Variants in RABEP1 observed in about 807,000 individuals in gnomAD.
The protein encoded by RABEP1 is rabaptin, RAB GTPase binding effector protein 1.
Under a neutral mutation model 123.4 loss-of-function variants are expected in RABEP1, and 51 were observed. The observed-to-expected ratio is 0.41, with a 90% CI of 0.33 to 0.52. The LOEUF is 0.52. RABEP1 is among the 20% of genes least tolerant of loss of function. RABEP1 has a pLI of 0.16. For missense variants in RABEP1, 888 were observed against 996.3 expected (o/e 0.89, Z 1.46); for synonymous variants, 347 against 355.2 (o/e 0.98, Z 0.26).
At chr17:5,311,697 CAAAAAAAAA>C (rs35876639) in intron 2 of RABEP1, among the ~76,000 whole-genome samples, 39 of 70,882 alleles carry the variant, frequency 5.5e-4, no homozygotes, top group African/African-American at 2.2e-3. Flanking sequence ...GACTTCATCT[CAAAAAAAAA>C]AAAAAAAAAA....
rs1172476261 is a variant in RABEP1 at position 5,365,132 on chromosome 17, T to C, written c.1679T>C (p.Leu560Pro). 1 of 1,599,858 alleles carries C rather than the reference T, an allele frequency of 6.3e-7. No homozygotes were observed. The highest frequency in any genetic ancestry group is 1.4e-5 in the African/African-American group (1 of 73,946). Residue 560 changes from leucine to proline, a missense_variant, in exon 11 of 18, where the codon CTA becomes CCA. Leu to Pro is a moderately conservative substitution (Grantham distance 98, BLOSUM62 -3). Transcript: ENST00000537505. ...TTTAAAATGATACAGGTGAAAAAAC[T>C]ACAGCTGATGCTAAGGCAAGCTAAT... ...EAETRDQVKK[L>P]QLMLRQANDQ...
chr17:5,352,765 A>G (rs1908670774), intron 7 of RABEP1, among the ~76,000 whole-genome samples: 2 of 152,030 alleles, frequency 1.3e-5, no homozygotes, highest in Non-Finnish European at 2.9e-5. Context: ...CAGGAGGCGG[A>G]GGTTGCAGTG....
At chr17:5,299,696 ATTTCTTTTTCTTTTTTTCT>A (rs1279487417) in intron 1 of RABEP1, among the ~76,000 whole-genome samples, 3 of 105,304 alleles carry the variant, frequency 2.8e-5, no homozygotes, top group Non-Finnish European at 4.0e-5. Flanking sequence ...CTCTGCACTC[ATTTCTTTTTCTTTTTTTCT>A]TTTCTTTTTC....
intron 11 of RABEP1, among the ~76,000 whole-genome samples, chr17:5,366,841 G>A (rs1319904369): frequency 3.3e-5 from 5 of 151,820 alleles, no homozygotes; most frequent in Non-Finnish European, 5.9e-5. Flanking sequence ...TGTAATCCCA[G>A]CACTTTGGGA....
At position 5,369,186 on chromosome 17, in the gene RABEP1, C is replaced by T. The variant is rs1597391740; in HGVS notation, c.1884+718C>T. Among the ~76,000 whole-genome samples the T allele has an allele frequency of 5.3e-5, 8 of 152,194 alleles. 1 individual carries two copies. In the South Asian group the frequency reaches 1.7e-3, roughly 32 times the overall value. ...ATGTAACTGTTGTGGTGCTGGGGAC[C>T]TTCCAGAAGGCCATCTATGCTGAGA... On this transcript the variant is annotated intron_variant, in intron 12 of 17. Transcript: ENST00000537505.
At chr17:5,284,305 A>G (rs1371278626) in intron 1 of RABEP1, among the ~76,000 whole-genome samples, 1 of 152,184 alleles carries the variant, frequency 6.6e-6, no homozygotes, top group Non-Finnish European at 1.5e-5. Flanking sequence ...CCTATTTCTC[A>G]AATCTTGTGA....
At chr17:5,361,154 C>A in intron 8 of RABEP1, 54 bp from the exon 9 acceptor site, 2 of 1,483,208 alleles carry the variant, frequency 1.3e-6, no homozygotes, top group South Asian at 2.5e-5. Context: ...TAGTTTTTGT[C>A]TTTAAAAACG....
In RABEP1 at chr17:5,350,537, C is replaced by A; in HGVS notation, c.871C>A (p.Gln291Lys). The change falls in exon 7 of 18, where the codon CAG becomes AAG. Residue 291 changes from glutamine (Q) to lysine (K), a missense_variant. Transcript: ENST00000537505. Reference protein sequence around the residue: ...QKANDQFLESQRLLMRDMQRM... With the variant: ...QKANDQFLESKRLLMRDMQRM... ...GGCCAATGACCAGTTTCTGGAATCT[C>A]AGCGTTTACTGATGAGAGACATGCA... is the stretch of plus-strand genomic sequence containing the variant. 1 of 1,614,116 alleles carries A rather than the reference C, an allele frequency of 6.2e-7. No homozygotes were observed. Among genetic ancestry groups the A allele is most frequent in the Admixed American group, 1.7e-5 (1 of 60,016 alleles).
chr17:5,364,615 C>T (rs1011273384), intron 10 of RABEP1, among the ~76,000 whole-genome samples: 14 of 151,578 alleles, frequency 9.2e-5, no homozygotes, highest in African/African-American at 2.9e-4. Context: ...GCCTGTAATC[C>T]CAGCTACTCG....
chr17:5,380,264 G>A (rs1597302587), intron 15 of RABEP1, 100 bp from the exon 16 acceptor site: 2 of 719,908 alleles, frequency 2.8e-6, no homozygotes, highest in Non-Finnish European at 4.5e-6. Context: ...AGTGTAGCCC[G>A]AGTGTCTTGG....
Position 5,385,507 on chromosome 17 carries a change from A to C in RABEP1, c.*2284A>C. On this transcript the variant is annotated 3_prime_UTR_variant, in exon 18 of 18. Coordinates refer to ENST00000537505, the MANE Select transcript of RABEP1 (RefSeq NM_004703.6). ...CAGAACTCACATTGGCAAGTGTAAA[A>C]AGATGACTTAAGGTGAAGTGAGGAC... is the stretch of plus-strand genomic sequence containing the variant. 4.3e-6 allele frequency: 1 copy of C among 230,842 alleles called. No homozygotes were observed. Among genetic ancestry groups the C allele is most frequent in the Non-Finnish European group, 8.6e-6 (1 of 116,568 alleles). 14.3% of individuals were successfully genotyped at this position (230,842 alleles called of 1,614,324 possible). A position where few individuals can be genotyped will look rare whatever the true frequency, so the allele number is the denominator to read the frequency against.
chr17:5,364,985 G>A (rs1410248663), intron 10 of RABEP1, 137 bp from the exon 11 acceptor site: 1 of 596,354 alleles, frequency 1.7e-6, no homozygotes, highest in Non-Finnish European at 3.0e-6. Context: ...TCTAATTTCT[G>A]TCTGAATTAG....
intron 3 of RABEP1, 60 bp from the exon 4 acceptor site, chr17:5,335,124 G>A: frequency 7.0e-7 from 1 of 1,422,786 alleles, no homozygotes; most frequent in Admixed American, 2.2e-5. Flanking sequence ...AAAATTTAGT[G>A]TGCCAGGTTA....
At chr17:5,290,089 GTATT>G (rs529204600) in intron 1 of RABEP1, among the ~76,000 whole-genome samples, 80 of 152,196 alleles carry the variant, frequency 5.3e-4, no homozygotes, top group South Asian at 3.5e-3. Flanking sequence ...CTTTATAGAA[GTATT>G]TATTTATTTT....
rs937781205 is a variant in RABEP1 at position 5,333,799 on chromosome 17, A to G, written c.368-1385A>G. ...TCCTTAGCATATGGTTTTCAACTTA[A>G]TCTTTGCCTCAGCTGAAAAATAGCT... On this transcript the variant is annotated intron_variant, in intron 3 of 17. Transcript: ENST00000537505. Among the ~76,000 whole-genome samples, 5 of 152,286 alleles carry G rather than the reference A, an allele frequency of 3.3e-5. 1 individual carries two copies. The South Asian group carries it at 8.3e-4, about 25-fold the overall frequency.
intron 2 of RABEP1, among the ~76,000 whole-genome samples, chr17:5,320,593 T>TA (rs1597352453): frequency 6.6e-6 from 1 of 152,184 alleles, no homozygotes; most frequent in Non-Finnish European, 1.5e-5. Flanking sequence ...GTAATGTAGA[T>TA]ACATGTAAGT....
chr17:5,307,499 C>T (rs1448046212), intron 1 of RABEP1, among the ~76,000 whole-genome samples: 1 of 152,192 alleles, frequency 6.6e-6, no homozygotes, highest in African/African-American at 2.4e-5. Flanking sequence ...CTAGGCAAAT[C>T]ATCATTATCT....
chr17:5,283,255 G>T (rs2074946164), intron 1 of RABEP1, among the ~76,000 whole-genome samples: 1 of 151,994 alleles, frequency 6.6e-6, no homozygotes. Flanking sequence ...AATAGTGTTT[G>T]AGAATGCTGA....
At position 5,361,536 on chromosome 17, in the gene RABEP1, C is replaced by T. The variant is rs976460011; in HGVS notation, c.1424C>T (p.Ala475Val). 6.2e-7 allele frequency: 1 copy of T among 1,614,182 alleles called. No homozygotes were observed. Among genetic ancestry groups the T allele is most frequent in the Non-Finnish European group, 8.5e-7 (1 of 1,180,042 alleles). ...ATGTTAACCAAAGATCAGGAAAGAG[C>T]AATCAAGGCGATGACACCAGAACAA... ...GFMLTKDQER[A>V]IKAMTPEQEE... is the part of the protein sequence containing the mutation. Residue 475 changes from alanine (A) to valine (V), a missense_variant, in exon 9 of 18, where the codon GCA (alanine) becomes GTA (valine). Coordinates refer to ENST00000537505, the MANE Select transcript of RABEP1 (RefSeq NM_004703.6).
Sources: gnomAD v4.1 joint callset for allele counts (sites outside exome capture counted in the v4.1 genomes callset) on GRCh38, gnomAD v4.1.1 for gene constraint, MANE v1.5 for transcripts, NCBI Gene and HGNC (gene_info 2026-07-23, HGNC 2026-07-21) for gene names.